MMAA: variants seen among roughly 807,000 people sequenced by gnomAD.
MMAA encodes methylmalonic aciduria type A protein, mitochondrial.
Under a neutral mutation model 45.0 loss-of-function variants are expected in MMAA, and 41 were observed. The observed-to-expected ratio is 0.91, with a 90% confidence interval of 0.71 to 1.18. The LOEUF (loss-of-function observed/expected upper bound fraction) is 1.18, where lower values mean the gene tolerates loss of function less well. Among genes scored for constraint, MMAA ranks in the 50% most tolerant of loss-of-function variants. The pLI is 0.00. For missense variants in MMAA, 460 were observed against 495.7 expected (o/e 0.93, Z 0.68); for synonymous variants, 154 against 178.2 (o/e 0.86, Z 1.08).
At chr4:145,653,438 C>T (rs1044601508) in intron 5 of MMAA, among the ~76,000 whole-genome samples, 3 of 151,474 alleles carry the variant, frequency 2.0e-5, no homozygotes, top group African/African-American at 4.9e-5. Context: ...GGTTTGTCCA[C>T]GCAAAGCTGA....
In MMAA at chr4:145,640,528, A is replaced by G. The variant is rs1727753870; in HGVS notation, c.439+950A>G. Among the ~76,000 whole-genome samples the G allele has an allele frequency of 2.6e-5, 4 of 151,046 alleles. No homozygotes were observed. The South Asian group carries it at 6.3e-4, about 24-fold the overall frequency. ...TCATCCTTGGCTAATTTTTTTTAGA[A>G]GTTTTTTGTAGAGATGGGGTCTCAT... is the stretch of plus-strand genomic sequence containing the variant. On this transcript the variant is annotated intron_variant, in intron 2 of 6. Coordinates refer to ENST00000649156, the MANE Select transcript of MMAA (RefSeq NM_172250.3).
chr4:145,644,713 G>A lies in MMAA; in HGVS notation c.563-1273G>A, dbSNP rs574707234. On this transcript the variant is annotated intron_variant, in intron 3 of 6. Transcript: ENST00000649156. Reference sequence around the variant, plus strand: ...CTCTTAACACTTTGTTAAGCATTTAGTGTACAACCTATGTAAGACGTGGTC... The same window carrying A: ...CTCTTAACACTTTGTTAAGCATTTAATGTACAACCTATGTAAGACGTGGTC... Among the ~76,000 whole-genome samples, 3 of 152,336 alleles carry A rather than the reference G, an allele frequency of 2.0e-5. No homozygotes were observed. In the South Asian group the frequency reaches 6.2e-4, roughly 32 times the overall value.
chr4:145,650,741 T>G (rs1578885336), intron 4 of MMAA: 1 of 367,016 alleles, frequency 2.7e-6, no homozygotes, highest in East Asian at 5.5e-5. Flanking sequence ...GATTCAAGAT[T>G]AGAGTCACAG....
Position 145,639,438 on chromosome 4 carries a change from G to T in MMAA, c.299G>T (p.Cys100Phe). The change falls in exon 2 of 7, where the codon TGT (cysteine) becomes TTT (phenylalanine). Residue 100 changes from cysteine to phenylalanine, a missense_variant. Cys to Phe is a radical substitution (Grantham distance 205). Coordinates refer to ENST00000649156, the MANE Select transcript of MMAA (RefSeq NM_172250.3). Reference sequence around the variant, plus strand: ...GGTTTAATCCAAGGGCAAAGGGCCTGTTTAGCAGAGGCCATAACTCTTGTA... The same window carrying T: ...GGTTTAATCCAAGGGCAAAGGGCCTTTTTAGCAGAGGCCATAACTCTTGTA... The part of the protein sequence containing the change: ...YTGLIQGQRA[C>F]LAEAITLVES... 1 of 1,614,170 alleles carries T rather than the reference G, an allele frequency of 6.2e-7. No individual in the cohort carries two copies. Among genetic ancestry groups the T allele is most frequent in the Non-Finnish European group, 8.5e-7 (1 of 1,180,026 alleles).
chr4:145,619,429 G>A (rs1734040184), intron 1 of MMAA, 22 bp downstream of exon 1: 1 of 152,256 alleles, frequency 6.6e-6, no homozygotes, highest in African/African-American at 2.4e-5. Context: ...GAGTGCGCGC[G>A]GCGTCCAGGA....
Position 145,641,149 on chromosome 4 carries a change from G to A in MMAA, c.440-1214G>A, listed in dbSNP as rs185035904. ...ATTCTCATTTTGAGAGTACTACCTT[G>A]GATGTTAATAATCTTTATGTATGGT... On this transcript the variant is annotated intron_variant, in intron 2 of 6. Transcript: ENST00000649156. 4.6e-5 allele frequency among the ~76,000 whole-genome samples: 7 copies of A among 152,164 alleles called. No individual in the cohort carries two copies. The East Asian group carries it at 9.6e-4, about 21-fold the overall frequency.
intron 1 of MMAA, chr4:145,624,297 T>C: frequency 1.3e-6 from 1 of 794,580 alleles, no homozygotes; most frequent in South Asian, 1.3e-5. Context: ...GTGAATTAAG[T>C]AATACTTCTA....
chr4:145,645,106 G>A (rs1254343266), intron 3 of MMAA, among the ~76,000 whole-genome samples: 1 of 152,150 alleles, frequency 6.6e-6, no homozygotes. Context: ...CAACAGACTG[G>A]GCAGAAGGGG....
intron 1 of MMAA, chr4:145,624,629 A>G (rs1734161972): frequency 1.0e-5 from 14 of 1,401,348 alleles, no homozygotes; most frequent in Middle Eastern, 3.6e-4. Flanking sequence ...CTTCTTTACT[A>G]GAAGGACAGA....
intron 1 of MMAA, among the ~76,000 whole-genome samples, chr4:145,619,841 G>A (rs1356114259): frequency 6.6e-6 from 1 of 152,016 alleles, no homozygotes; most frequent in Non-Finnish European, 1.5e-5. Context: ...CTCTTTTCTG[G>A]GAAATCAAAT....
At position 145,646,219 on chromosome 4, in the gene MMAA, G is replaced by A. The variant is rs927691278; in HGVS notation, c.733+63G>A. ...TTATGAATGCTATATAAAGATGAGT[G>A]ACAACTTATTTTTGTTCATTCAGCA... On this transcript the variant is annotated intron_variant, in intron 4 of 6. Transcript: ENST00000649156. The A allele has an allele frequency of 1.9e-6, 3 of 1,587,774 alleles. No individual in the cohort carries two copies. The African/African-American group carries it at 4.0e-5, about 21-fold the overall frequency.
chr4:145,653,969 C>T (rs1173650893), intron 5 of MMAA, 25 bp from the exon 6 acceptor site: 1 of 1,613,046 alleles, frequency 6.2e-7, no homozygotes, highest in Non-Finnish European at 8.5e-7. Context: ...TGTTGGTTGT[C>T]ATTAAATGTT....
At chr4:145,641,421 C>T (rs1224602794) in intron 2 of MMAA, among the ~76,000 whole-genome samples, 2 of 152,084 alleles carry the variant, frequency 1.3e-5, no homozygotes, top group Admixed American at 6.6e-5. Flanking sequence ...TTATTCAGCA[C>T]CTAAAAAGGT....
At position 145,657,390 on chromosome 4, in the gene MMAA, C is replaced by T. The variant is rs555448380; in HGVS notation, c.*1956C>T. The stretch of plus-strand genomic sequence containing the variant: ...AATGAAATATAGCTTTTTTTTTCAA[C>T]TCAGAAATCCTATTCCCTCTCCCCA... On this transcript the variant is annotated 3_prime_UTR_variant, in exon 7 of 7. Transcript: ENST00000649156. 1 of 150,934 alleles carries T rather than the reference C, an allele frequency of 6.6e-6. No homozygotes were observed. Among genetic ancestry groups the T allele is most frequent in the South Asian group, 2.1e-4 (1 of 4,742 alleles). The allele number at this position is 150,934 out of a possible 1,614,324, so 9.3% of individuals were successfully genotyped here.
At chr4:145,631,354 T>G (rs1346753867) in intron 1 of MMAA, among the ~76,000 whole-genome samples, 1 of 152,196 alleles carries the variant, frequency 6.6e-6, no homozygotes. Flanking sequence ...GATTTAAAAT[T>G]GTTATATCCT....
chr4:145,633,200 T>C (rs994297748), intron 1 of MMAA, among the ~76,000 whole-genome samples: 54 of 143,414 alleles, frequency 3.8e-4, no homozygotes, highest in Admixed American at 8.9e-4. Flanking sequence ...CTTTTTCTTT[T>C]TTTTTTTTTT....
At chr4:145,639,041 A>T in intron 1 of MMAA, 34 bp from the exon 2 acceptor site, 4 of 1,106,294 alleles carry the variant, frequency 3.6e-6, no homozygotes, top group Admixed American at 3.5e-5. Flanking sequence ...TTAGTTATAT[A>T]TCGAACTGGC....
intron 1 of MMAA, among the ~76,000 whole-genome samples, chr4:145,626,791 C>T (rs754815066): frequency 7.9e-5 from 12 of 152,164 alleles, no homozygotes; most frequent in Non-Finnish European, 1.6e-4. Flanking sequence ...AATGCATGCA[C>T]GATGCCTCAC....
At chr4:145,622,024 C>A (rs370785113) in intron 1 of MMAA, among the ~76,000 whole-genome samples, 162 of 152,282 alleles carry the variant, frequency 1.1e-3, no homozygotes, top group African/African-American at 3.4e-3. Context: ...GGTGTACATT[C>A]ATTAATTCTG....
Sources: allele counts gnomAD v4.1 joint callset (sites outside exome capture counted in the v4.1 genomes callset), GRCh38; gene constraint gnomAD v4.1.1; transcripts MANE v1.5; gene names NCBI Gene and HGNC (gene_info 2026-07-23, HGNC 2026-07-21).